The following RBM24 variants were observed in gnomAD, a reference collection of about 807,000 sequenced individuals.
RBM24 encodes RNA binding motif protein 24, also known as RNA-binding protein 24.
In RBM24, 5 loss-of-function variants were observed where a neutral mutation model predicts 23.6. The observed-to-expected ratio is 0.21, with a 90% confidence interval of 0.11 to 0.45. RBM24 has a LOEUF of 0.45. Ranked by LOEUF, RBM24 falls within the 20% of genes least tolerant of loss-of-function variation. RBM24 has a pLI of 0.99. For synonymous variants in RBM24, 151 were observed against 129.5 expected, an observed-to-expected ratio of 1.17 and a Z score of -1.13; for missense variants, 252 against 314.6, an observed-to-expected ratio of 0.80 and a Z score of 1.51.
intron 3 of RBM24, chr6:17,288,503 C>A: frequency 1.0e-6 from 1 of 983,880 alleles, no homozygotes; most frequent in Non-Finnish European, 1.2e-6. Context: ...GATTATTAGT[C>A]CATTTCACAT....
At chr6:17,289,996 A>G (rs2113409576) in intron 3 of RBM24, 1 of 1,289,370 alleles carries the variant, frequency 7.8e-7, no homozygotes, top group Non-Finnish European at 1.0e-6. Context: ...AGCAGTTAAG[A>G]ACATCTCTGA....
Position 17,292,191 on chromosome 6 carries a change from G to T in RBM24, c.*72G>T. The stretch of plus-strand genomic sequence containing the variant: ...TTTTCCAATTTTTAGTAGCTAATAA[G>T]AGAGTTAACATTGACTTAACAGCTT... On this transcript the variant is annotated 3_prime_UTR_variant, in exon 4 of 4. Transcript: ENST00000379052. The T allele has an allele frequency of 2.2e-6, 3 of 1,383,970 alleles. No homozygotes were observed. The highest frequency in any genetic ancestry group is 2.9e-6 in the Non-Finnish European group (3 of 1,041,250). 85.7% of individuals were successfully genotyped at this position (1,383,970 alleles called of 1,614,324 possible).
rs1343186765 is a variant in RBM24, at chr6:17,281,369, A to C, written c.-213A>C. On this transcript the variant is annotated 5_prime_UTR_variant, in exon 1 of 4. Transcript: ENST00000379052. This position sits in a 1 kb window ranked among gnomAD's most constrained non-coding sequence, Gnocchi z 7.1. ...GAGGAGAGAGCGAAGTCAAGTCTCCAGGGCCGCTGGCGACTTCGGAAGCCG... is the reference window on the plus strand; with the variant it reads ...GAGGAGAGAGCGAAGTCAAGTCTCCCGGGCCGCTGGCGACTTCGGAAGCCG... The C allele has an allele frequency of 1.3e-5, 2 of 152,162 alleles. No individual in the cohort carries two copies. The highest frequency in any genetic ancestry group is 4.9e-5 in the African/African-American group (2 of 40,970). 9.4% of individuals were successfully genotyped at this position (152,162 alleles called of 1,614,324 possible). A position where few individuals can be genotyped will look rare whatever the true frequency, so the allele number is the denominator to read the frequency against.
At chr6:17,289,691 G>T in intron 3 of RBM24, 1 of 985,418 alleles carries the variant, frequency 1.0e-6, no homozygotes, top group Non-Finnish European at 1.2e-6. Context: ...ATCCGCACTG[G>T]CTGGCCTTTG....
chr6:17,286,802 G>A (rs1760212019), intron 3 of RBM24, among the ~76,000 whole-genome samples: 1 of 152,098 alleles, frequency 6.6e-6, no homozygotes, highest in Non-Finnish European at 1.5e-5. Flanking sequence ...TAGAGGAGAA[G>A]ACTCAGTGCG....
intron 1 of RBM24, 146 bp from the exon 2 acceptor site, chr6:17,282,658 AG>A (rs1760062805): frequency 3.5e-6 from 2 of 564,884 alleles, no homozygotes. Flanking sequence ...GAGATCAAGG[AG>A]GAGGGTCCAG....
Position 17,281,543 on chromosome 6 carries a change from A to AGCCGCAGCCGGAGCCCGAGCCGCG in RBM24, c.-37_-14dup. 6.8e-7 allele frequency: 1 copy of AGCCGCAGCCGGAGCCCGAGCCGCG among 1,464,266 alleles called. No individual in the cohort carries two copies. The highest frequency in any genetic ancestry group is 9.0e-7 in the Non-Finnish European group (1 of 1,109,004). 90.7% of individuals were successfully genotyped at this position (1,464,266 alleles called of 1,614,324 possible). ...GAGGCGCAGCCGCTGCCCGAGCCGC[A>AGCCGCAGCCGGAGCCCGAGCCGCG]GCCGCAGCCGGAGCCCGAGCCGCGG... On this transcript the variant is annotated 5_prime_UTR_variant, in exon 1 of 4. Transcript: ENST00000379052. This position sits in a 1 kb window ranked among gnomAD's most constrained non-coding sequence, Gnocchi z 7.1.
At chr6:17,289,735 G>T in intron 3 of RBM24, 1 of 1,052,250 alleles carries the variant, frequency 9.5e-7, no homozygotes, top group African/African-American at 1.7e-5. Context: ...GCCTTATAAA[G>T]ACATTTTACC....
At position 17,281,365 on chromosome 6, in the gene RBM24, C is replaced by T. The variant is rs1561731932; in HGVS notation, c.-217C>T. On this transcript the variant is annotated 5_prime_UTR_variant, in exon 1 of 4. Transcript: ENST00000379052. The surrounding 1 kb of genome is among the most constrained non-coding windows in gnomAD (Gnocchi z 7.1). Reference sequence around the variant, plus strand: ...GCGGGAGGAGAGAGCGAAGTCAAGTCTCCAGGGCCGCTGGCGACTTCGGAA... The same window carrying T: ...GCGGGAGGAGAGAGCGAAGTCAAGTTTCCAGGGCCGCTGGCGACTTCGGAA... 1.3e-5 allele frequency: 2 copies of T among 152,516 alleles called. No individual in the cohort carries two copies. The highest frequency in any genetic ancestry group is 1.9e-4 in the South Asian group (1 of 5,226). 9.4% of individuals were successfully genotyped at this position (152,516 alleles called of 1,614,324 possible).
chr6:17,292,191 GAGAGTTAACAT>G lies in RBM24; in HGVS notation c.*73_*83del. 1 of 1,383,972 alleles carries G rather than the reference GAGAGTTAACAT, an allele frequency of 7.2e-7. No homozygotes were observed. The highest frequency in any genetic ancestry group is 1.6e-5 in the South Asian group (1 of 62,294). The allele number at this position is 1,383,972 out of a possible 1,614,324, so 85.7% of individuals were successfully genotyped here. ...TTTTCCAATTTTTAGTAGCTAATAA[GAGAGTTAACAT>G]TGACTTAACAGCTTTAAAAAAAAAA... On this transcript the variant is annotated 3_prime_UTR_variant, in exon 4 of 4. Coordinates refer to ENST00000379052, the MANE Select transcript of RBM24 (RefSeq NM_001143942.2).
chr6:17,286,473 A>T (rs564181632), intron 3 of RBM24, among the ~76,000 whole-genome samples: 1 of 152,342 alleles, frequency 6.6e-6, no homozygotes, highest in East Asian at 1.9e-4. Flanking sequence ...ATCAATCAAC[A>T]GGTAGTTGCA....
chr6:17,282,136 G>A (rs1390889595), intron 1 of RBM24: 2 of 1,225,846 alleles, frequency 1.6e-6, no homozygotes, highest in East Asian at 1.1e-4. Flanking sequence ...GTGTTCTGGT[G>A]TTTTGGCTGG....
Position 17,281,823 on chromosome 6 carries a change from G to A in RBM24, c.168+74G>A. 1.3e-6 allele frequency: 2 copies of A among 1,519,078 alleles called. No homozygotes were observed. Among genetic ancestry groups the A allele is most frequent in the Non-Finnish European group, 1.8e-6 (2 of 1,123,034 alleles). 94.1% of individuals were successfully genotyped at this position (1,519,078 alleles called of 1,614,324 possible). On this transcript the variant is annotated intron_variant, in intron 1 of 3. Transcript: ENST00000379052. This position sits in a 1 kb window ranked among gnomAD's most constrained non-coding sequence, Gnocchi z 7.1. ...ACCCCGGGGATCGGGAGCTTGGAGT[G>A]AGGGGCTCGGCGTGACCCGTGAGGA...
intron 3 of RBM24, chr6:17,289,152 C>T (rs1052907035): frequency 1.6e-5 from 16 of 985,156 alleles, no homozygotes; most frequent in Admixed American, 1.2e-4. Context: ...GTTAAGGAAA[C>T]GACATTGGTA....
In RBM24 at chr6:17,281,882, C is replaced by G; in HGVS notation, c.168+133C>G. 2 of 1,362,570 alleles carry G rather than the reference C, an allele frequency of 1.5e-6. No homozygotes were observed. Among genetic ancestry groups the G allele is most frequent in the South Asian group, 2.7e-5 (2 of 74,968 alleles). 84.4% of individuals were successfully genotyped at this position (1,362,570 alleles called of 1,614,324 possible). On this transcript the variant is annotated intron_variant, in intron 1 of 3. Coordinates refer to ENST00000379052, the MANE Select transcript of RBM24 (RefSeq NM_001143942.2). This position sits in a 1 kb window ranked among gnomAD's most constrained non-coding sequence, Gnocchi z 7.1. ...GGTAGAGCGGCGCTGCCCCTTCGCT[C>G]CGGGGTGAACTGAAACTTTGCTAGG...
rs143947863 is a variant in RBM24 at position 17,287,569 on chromosome 6, G to A, written c.347+2858G>A. On this transcript the variant is annotated intron_variant, in intron 3 of 3. Coordinates refer to ENST00000379052, the MANE Select transcript of RBM24 (RefSeq NM_001143942.2). The stretch of plus-strand genomic sequence containing the variant: ...TGTAATCCCAGCACTTTGGGAGGCC[G>A]AGGTGGGTGGATCATGAGGTCAGGA... Among the ~76,000 whole-genome samples the A allele has an allele frequency of 1.6e-3, 247 of 152,164 alleles. 1 individual carries two copies. Among genetic ancestry groups the A allele is most frequent in the African/African-American group, 5.7e-3 (238 of 41,530 alleles).
chr6:17,288,549 A>G (rs1760262608), intron 3 of RBM24: 1 of 985,378 alleles, frequency 1.0e-6, no homozygotes, highest in Non-Finnish European at 1.2e-6. Flanking sequence ...ACAACAAAGC[A>G]TAAAAAAAGA....
intron 2 of RBM24, 23 bp downstream of exon 2, chr6:17,282,951 AC>A (rs1760074461): frequency 4.5e-6 from 7 of 1,553,190 alleles, no homozygotes; most frequent in South Asian, 1.1e-5. Flanking sequence ...TGTCTCCCCT[AC>A]CCCCCTCTCC....
chr6:17,284,775 T>C, intron 3 of RBM24, 64 bp downstream of exon 3: 1 of 1,199,442 alleles, frequency 8.3e-7, no homozygotes, highest in Non-Finnish European at 1.2e-6. Context: ...CGTGCCTCTT[T>C]GTTATATACA....
Sources: allele counts gnomAD v4.1 joint callset (sites outside exome capture counted in the v4.1 genomes callset), GRCh38; gene constraint gnomAD v4.1.1; non-coding constraint Gnocchi (gnomAD v3.1); transcripts MANE v1.5; gene names NCBI Gene and HGNC (gene_info 2026-07-23, HGNC 2026-07-21).